MAP7D2: variants seen among roughly 807,000 people sequenced by gnomAD.
The protein encoded by MAP7D2 is MAP7 domain-containing protein 2.
In MAP7D2, 33 loss-of-function variants were observed where a neutral mutation model predicts 63.5. The observed-to-expected ratio is 0.52, with a 90% CI of 0.39 to 0.70. The LOEUF (loss-of-function observed/expected upper bound fraction) is 0.70. Ranked by LOEUF, MAP7D2 falls within the 30% of genes least tolerant of loss-of-function variation. The pLI is 0.00. For synonymous variants in MAP7D2, 224 were observed against 223.7 expected (o/e 1.00, Z -0.01); for missense variants, 626 against 604.0 (o/e 1.04, Z -0.38).
At position 20,102,847 on chromosome X, in the gene MAP7D2, C is replaced by G. The variant is rs186288763; in HGVS notation, c.130+13903G>C. Among the ~76,000 whole-genome samples the G allele has an allele frequency of 1.8e-3, 198 of 110,773 alleles. 1 individual carries two copies. The highest frequency in any genetic ancestry group is 6.1e-3 in the African/African-American group (187 of 30,504). On this transcript the variant is annotated intron_variant, in intron 1 of 16. Coordinates refer to ENST00000379643, the MANE Select transcript of MAP7D2 (RefSeq NM_001168465.2). ...GAGAAGGGTAGATAGCAGCCATATG[C>G]TTCCCTCTGCTTCCTAGGCCAGCTG...
intron 3 of MAP7D2, among the ~76,000 whole-genome samples, chrX:20,061,560 G>A (rs1319121643): frequency 4.5e-5 from 5 of 112,347 alleles, no homozygotes; most frequent in South Asian, 3.6e-4. Flanking sequence ...ACAAGGGTCG[G>A]TCGGGCAGCC....
In MAP7D2 at chrX:20,010,987, C is replaced by T. The variant is rs1214038106; in HGVS notation, c.2138G>A (p.Gly713Glu). The change falls in exon 16 of 17, where the codon GGG (glycine) becomes GAG (glutamate). Residue 713 changes from glycine to glutamate, a missense_variant. By Grantham distance (98) the Gly-to-Glu change is moderately conservative. Coordinates refer to ENST00000379643, the MANE Select transcript of MAP7D2 (RefSeq NM_001168465.2). ...AGTTCCATTTTGGTCCAGAGACACC[C>T]CAGGAATCATTTCACTCACTGGTGA... ...EFSPVSEMIP[G>E]VSLDQNGTGN... 4.1e-6 allele frequency: 5 copies of T among 1,210,291 alleles called. No individual in the cohort carries two copies. Among genetic ancestry groups the T allele is most frequent in the Non-Finnish European group, 5.6e-6 (5 of 894,394 alleles).
intron 8 of MAP7D2, among the ~76,000 whole-genome samples, chrX:20,031,406 G>A (rs954886918): frequency 9.0e-6 from 1 of 111,048 alleles, no homozygotes; most frequent in Non-Finnish European, 1.9e-5. Context: ...CTAAGAAGGT[G>A]AGACAATTAA....
At chrX:20,074,343 G>T (rs953177461) in intron 1 of MAP7D2, among the ~76,000 whole-genome samples, 3 of 111,031 alleles carry the variant, frequency 2.7e-5, no homozygotes, top group Admixed American at 9.6e-5. Context: ...CCAGGCAAGG[G>T]TAATGATTTA....
At chrX:20,087,538 T>C (rs2065940163) in intron 1 of MAP7D2, among the ~76,000 whole-genome samples, 2 of 112,001 alleles carry the variant, frequency 1.8e-5, no homozygotes, top group African/African-American at 6.5e-5. Flanking sequence ...CTTCTCTTTA[T>C]AAATTACCCA....
chrX:20,047,368 G>A (rs912211203), intron 6 of MAP7D2, among the ~76,000 whole-genome samples: 40 of 112,108 alleles, frequency 3.6e-4, no homozygotes, highest in African/African-American at 1.1e-3. Flanking sequence ...TGCGTGCCAC[G>A]ATTATCATGA....
chrX:20,014,831 C>T (rs2073329761), intron 12 of MAP7D2, among the ~76,000 whole-genome samples: 2 of 110,888 alleles, frequency 1.8e-5, no homozygotes, highest in East Asian at 5.7e-4. Flanking sequence ...ATCTTCCCAC[C>T]TCAACCTCCT....
At chrX:20,055,112 G>T (rs1181904841) in intron 4 of MAP7D2, among the ~76,000 whole-genome samples, 5 of 108,436 alleles carry the variant, frequency 4.6e-5, no homozygotes, top group African/African-American at 1.7e-4. Flanking sequence ...AAGATGGATT[G>T]AATTTCTAAA....
intron 8 of MAP7D2, among the ~76,000 whole-genome samples, chrX:20,028,610 G>C (rs993545187): frequency 4.5e-5 from 5 of 111,440 alleles, no homozygotes; most frequent in Non-Finnish European, 7.5e-5. Flanking sequence ...TCTTTTGCTT[G>C]GCCACGTCTT....
intron 1 of MAP7D2, among the ~76,000 whole-genome samples, chrX:20,097,051 T>C (rs2066289359): frequency 9.0e-6 from 1 of 111,722 alleles, no homozygotes; most frequent in African/African-American, 3.3e-5. Flanking sequence ...CCTACAACTA[T>C]AAGGCAACCC....
At chrX:20,016,429 C>A in intron 10 of MAP7D2, 104 bp from the exon 11 acceptor site, 1 of 645,463 alleles carries the variant, frequency 1.5e-6, no homozygotes, top group Non-Finnish European at 2.4e-6. Flanking sequence ...TGGTAACACA[C>A]ACACATACCT....
At chrX:20,040,949 C>CA (rs1251016143) in intron 8 of MAP7D2, among the ~76,000 whole-genome samples, 1 of 110,571 alleles carries the variant, frequency 9.0e-6, no homozygotes, top group Non-Finnish European at 1.9e-5. Context: ...ACAACAACAA[C>CA]AAAAAAAACC....
Position 20,042,634 on chromosome X carries a change from A to AG in MAP7D2, c.880-6dup, listed in dbSNP as rs2064690197. 8.3e-7 allele frequency: 1 copy of AG among 1,211,141 alleles called. No homozygotes were observed. Among genetic ancestry groups the AG allele is most frequent in the South Asian group, 1.8e-5 (1 of 56,938 alleles). On this transcript the variant is annotated splice_region_variant and splice_polypyrimidine_tract_variant and intron_variant, in intron 7 of 16. Coordinates refer to ENST00000379643, the MANE Select transcript of MAP7D2 (RefSeq NM_001168465.2). ...CCCCCGCTTCACCTTCTCCACCTGTAGGGGACACAGGATAGCCACAGTCCA... is the reference window on the plus strand; with the variant it reads ...CCCCCGCTTCACCTTCTCCACCTGTAGGGGGACACAGGATAGCCACAGTCCA...
intron 1 of MAP7D2, among the ~76,000 whole-genome samples, chrX:20,088,468 GTTTTTTTTTT>G (rs779366726): frequency 1.5e-4 from 6 of 41,071 alleles, no homozygotes; most frequent in East Asian, 2.0e-3. Context: ...CTAATTTTCA[GTTTTTTTTTT>G]TTTTTTTTTT....
chrX:20,079,921 C>A (rs1312897739), intron 1 of MAP7D2, among the ~76,000 whole-genome samples: 1 of 111,373 alleles, frequency 9.0e-6, no homozygotes, highest in Non-Finnish European at 1.9e-5. Context: ...CATTCTAAGG[C>A]TTTCTCTGCC....
chrX:20,105,178 T>A (rs2066536118), intron 1 of MAP7D2, among the ~76,000 whole-genome samples: 1 of 111,367 alleles, frequency 9.0e-6, no homozygotes, highest in Admixed American at 9.6e-5. Flanking sequence ...CAGAAAAGAT[T>A]AAGATTGCTT....
chrX:20,015,133 C>A, intron 12 of MAP7D2, 90 bp downstream of exon 12: 5 of 669,370 alleles, frequency 7.5e-6, no homozygotes, highest in Non-Finnish European at 1.2e-5. Context: ...AACTGACAAT[C>A]CTAGGATCAT....
intron 8 of MAP7D2, among the ~76,000 whole-genome samples, chrX:20,032,070 G>C (rs2074067356): frequency 9.0e-6 from 1 of 111,575 alleles, no homozygotes; most frequent in South Asian, 3.7e-4. Flanking sequence ...CAGGATAAAA[G>C]GTGGGGAAGA....
intron 7 of MAP7D2, 107 bp downstream of exon 7, chrX:20,044,257 C>T: frequency 1.2e-6 from 1 of 830,657 alleles, no homozygotes; most frequent in Non-Finnish European, 1.7e-6. Flanking sequence ...TTGAGCAGTC[C>T]CAGGAGATTG....
Sources: gnomAD v4.1 joint callset for allele counts (sites outside exome capture counted in the v4.1 genomes callset) on GRCh38, gnomAD v4.1.1 for gene constraint, MANE v1.5 for transcripts, NCBI Gene and HGNC (gene_info 2026-07-23, HGNC 2026-07-21) for gene names.